HMCN1: variants seen among roughly 807,000 people sequenced by gnomAD.
HMCN1 encodes the protein hemicentin-1.
A neutral mutation model predicts 625.9 loss-of-function variants in HMCN1; 321 were observed. The observed-to-expected ratio is 0.51, with a 90% CI of 0.47 to 0.56. The LOEUF (loss-of-function observed/expected upper bound fraction) is 0.56. HMCN1 is among the 20% of genes least tolerant of loss of function. The probability of loss-of-function intolerance (pLI) is 0.00; values close to 1 mark genes in which losing one functional copy is unlikely to be tolerated. For missense variants in HMCN1, 6,588 were observed against 6,887.3 expected (o/e 0.96, Z 1.54); for synonymous variants, 2,425 against 2,417.6 (o/e 1.00, Z -0.09).
At chr1:186,155,424 C>CTAAT (rs962984595) in intron 97 of HMCN1, among the ~76,000 whole-genome samples, 2 of 152,124 alleles carry the variant, frequency 1.3e-5, no homozygotes, top group Non-Finnish European at 2.9e-5. Flanking sequence ...TTTTCTTTCC[C>CTAAT]TAATTATGCC....
intron 81 of HMCN1, among the ~76,000 whole-genome samples, chr1:186,125,074 G>A (rs1370605640): frequency 6.6e-6 from 1 of 152,036 alleles, no homozygotes; most frequent in African/African-American, 2.4e-5. Flanking sequence ...TGAATTAAGT[G>A]TCTTGATCTG....
intron 11 of HMCN1, among the ~76,000 whole-genome samples, chr1:185,941,245 G>A (rs1018942473): frequency 1.2e-4 from 18 of 152,258 alleles, no homozygotes; most frequent in African/African-American, 3.8e-4. Flanking sequence ...AGATGACCTC[G>A]CTTGGTCTTC....
intron 106 of HMCN1, among the ~76,000 whole-genome samples, chr1:186,188,858 A>G (rs978822801): frequency 3.3e-5 from 5 of 152,194 alleles, no homozygotes; most frequent in African/African-American, 4.8e-5. Flanking sequence ...CTATTACTGA[A>G]GAATCCTATC....
rs74135355 is a variant in HMCN1, at chr1:185,812,415, A to G, written c.269-33611A>G. Among the ~76,000 whole-genome samples, 1,491 of 152,296 alleles carry G rather than the reference A, an allele frequency of 9.8e-3. 25 individuals are homozygous for G. Among genetic ancestry groups the G allele is most frequent in the African/African-American group, 0.033 (1,352 of 41,566 alleles). ...CTTATTGGACCTGTTTCTTTAACAA[A>G]AAAAGTGTCATATGCGACTCTAAGA... On this transcript the variant is annotated intron_variant, in intron 1 of 106. Coordinates refer to ENST00000271588, the MANE Select transcript of HMCN1 (RefSeq NM_031935.3).
intron 1 of HMCN1, among the ~76,000 whole-genome samples, chr1:185,797,915 G>A (rs1304683522): frequency 6.0e-5 from 6 of 99,780 alleles, no homozygotes; most frequent in East Asian, 2.9e-4. Context: ...GCAGTGAGCC[G>A]AGATCCCGCC....
In HMCN1 at chr1:186,178,592, C is replaced by T. The variant is rs774597838; in HGVS notation, c.16120C>T (p.Arg5374Trp). 12 of 1,613,978 alleles carry T rather than the reference C, an allele frequency of 7.4e-6. No individual in the cohort carries two copies. Among genetic ancestry groups the T allele is most frequent in the African/African-American group, 6.7e-5 (5 of 74,916 alleles). Reference sequence around the variant, plus strand: ...TCAATACAGTAGCTATAACCTTGCACGGTTCTCCCCTGTGAGAAACAACTA... The same window carrying T: ...TCAATACAGTAGCTATAACCTTGCATGGTTCTCCCCTGTGAGAAACAACTA... ...GTQYSSYNLA[R>W]FSPVRNNYQP... Residue 5374 changes from arginine to tryptophan, a missense_variant, in exon 104 of 107, where the codon CGG (arginine) becomes TGG (tryptophan). Transcript: ENST00000271588.
chr1:185,818,251 A>T (rs58135888), intron 1 of HMCN1, among the ~76,000 whole-genome samples: 8,913 of 152,272 alleles, frequency 0.059, 883 homozygotes, highest in African/African-American at 0.2. Context: ...TGCCCCTAAA[A>T]ACTTCACATG....
chr1:185,759,543 A>G (rs1383656589), intron 1 of HMCN1, among the ~76,000 whole-genome samples: 4 of 152,200 alleles, frequency 2.6e-5, no homozygotes, highest in African/African-American at 9.7e-5. Flanking sequence ...AAGTGTGTGA[A>G]GAACAAAATT....
intron 1 of HMCN1, among the ~76,000 whole-genome samples, chr1:185,750,306 T>C (rs1437458122): frequency 3.3e-5 from 5 of 152,344 alleles, no homozygotes; most frequent in South Asian, 4.1e-4. Context: ...TTTAATCATT[T>C]TGTGTAGAGT....
At chr1:185,898,707 G>A (rs1665633396) in intron 4 of HMCN1, among the ~76,000 whole-genome samples, 2 of 152,198 alleles carry the variant, frequency 1.3e-5, no homozygotes, top group South Asian at 2.1e-4. Flanking sequence ...GCCTGCTCTG[G>A]AGAGGTATAC....
At position 185,949,021 on chromosome 1, in the gene HMCN1, C is replaced by G. The variant is rs927982873; in HGVS notation, c.1829-13497C>G. On this transcript the variant is annotated intron_variant, in intron 11 of 106. Transcript: ENST00000271588. ...TGAATTGAGAAACTAAATGGAATAACAGAAGGAGAAAAACAGGTATAAAAG... is the reference window on the plus strand; with the variant it reads ...TGAATTGAGAAACTAAATGGAATAAGAGAAGGAGAAAAACAGGTATAAAAG... Among the ~76,000 whole-genome samples, 50 of 151,732 alleles carry G rather than the reference C, an allele frequency of 3.3e-4. 2 individuals are homozygous for G. The highest frequency in any genetic ancestry group is 1.0e-3 in the African/African-American group (42 of 41,176).
intron 63 of HMCN1, among the ~76,000 whole-genome samples, chr1:186,090,551 A>G (rs921349390): frequency 2.6e-5 from 4 of 152,008 alleles, no homozygotes; most frequent in Admixed American, 1.3e-4. Context: ...CTAAATAATT[A>G]TATCAACTTA....
rs1258789589 is a variant in HMCN1, at chr1:186,048,738, T to C, written c.6481-5T>C. 6.3e-6 allele frequency: 10 copies of C among 1,581,866 alleles called. No homozygotes were observed. Among genetic ancestry groups the C allele is most frequent in the Non-Finnish European group, 7.8e-6 (9 of 1,151,240 alleles). On this transcript the variant is annotated splice_region_variant and splice_polypyrimidine_tract_variant and intron_variant, in intron 41 of 106. Transcript: ENST00000271588. ...TGTGATTTCAAAGGATGATTTTGTTTTCAGATTGAAGATGCTCAGGTTCAA... is the reference window on the plus strand; with the variant it reads ...TGTGATTTCAAAGGATGATTTTGTTCTCAGATTGAAGATGCTCAGGTTCAA...
chr1:185,783,292 G>A (rs1035829833), intron 1 of HMCN1, among the ~76,000 whole-genome samples: 2 of 152,124 alleles, frequency 1.3e-5, no homozygotes, highest in African/African-American at 4.8e-5. Context: ...TGGGTTCAAA[G>A]TTCGTCCTTT....
chr1:186,120,038 G>A lies in HMCN1; in HGVS notation c.12122G>A (p.Gly4041Asp). ...SGRNHAVLPS[G>D]GLQISRAVRE... is the part of the protein sequence containing the mutation. The stretch of plus-strand genomic sequence containing the variant: ...AGAAACCATGCAGTTCTTCCTAGTG[G>A]CGGCTTACAGATCTCCAGAGCTGTC... The change falls in exon 80 of 107, where the codon GGC becomes GAC. Residue 4041 changes from glycine (G) to aspartate (D), a missense_variant. By Grantham distance (94) the Gly-to-Asp change is moderately conservative (BLOSUM62 -1). Coordinates refer to ENST00000271588, the MANE Select transcript of HMCN1 (RefSeq NM_031935.3). The A allele has an allele frequency of 6.2e-7, 1 of 1,613,982 alleles. No individual in the cohort carries two copies.
At chr1:186,044,121 AC>A (rs1454837950) in intron 40 of HMCN1, among the ~76,000 whole-genome samples, 2 of 152,166 alleles carry the variant, frequency 1.3e-5, no homozygotes, top group African/African-American at 2.4e-5. Flanking sequence ...AATTGTGCTC[AC>A]TTTGCTATTT....
intron 10 of HMCN1, among the ~76,000 whole-genome samples, chr1:185,930,300 CTTTGAACTTGAAAGAGAGGACA>C (rs1667477969): frequency 6.6e-6 from 1 of 152,150 alleles, no homozygotes; most frequent in Non-Finnish European, 1.5e-5. Context: ...GTGAGTGCCC[CTTTGAACTTGAAAGAGAGGACA>C]TTTTTTTTCT....
chr1:186,166,180 T>G lies in HMCN1; in HGVS notation c.15320-4T>G, dbSNP rs1324078319. 6.2e-7 allele frequency: 1 copy of G among 1,614,088 alleles called. No homozygotes were observed. The highest frequency in any genetic ancestry group is 1.1e-5 in the South Asian group (1 of 91,086). ...GATTTGGGCCTTTTTGTTTCTTCTT[T>G]AAGATGAGGATGAATGTGCAGCAGG... On this transcript the variant is annotated splice_region_variant and splice_polypyrimidine_tract_variant and intron_variant, in intron 98 of 106. Transcript: ENST00000271588.
chr1:185,895,333 C>G (rs866822472), intron 4 of HMCN1, among the ~76,000 whole-genome samples: 31 of 152,102 alleles, frequency 2.0e-4, no homozygotes, highest in African/African-American at 6.7e-4. Context: ...AGATAATTAT[C>G]CTATACTTCC....
Sources: gnomAD v4.1 joint callset for allele counts (sites outside exome capture counted in the v4.1 genomes callset) on GRCh38, gnomAD v4.1.1 for gene constraint, MANE v1.5 for transcripts, NCBI Gene and HGNC (gene_info 2026-07-23, HGNC 2026-07-21) for gene names.